The following PKD1 variants were observed in gnomAD, a reference collection of about 807,000 sequenced individuals.
PKD1 encodes the protein polycystin-1.
A neutral mutation model predicts 361.7 loss-of-function variants in PKD1; 81 were observed. The ratio of observed to expected loss-of-function variants is 0.22; its 90% CI spans 0.19 to 0.27. The LOEUF is 0.27. Among genes scored for constraint, PKD1 ranks in the 10% least tolerant of loss-of-function variants. PKD1 has a pLI of 1.00. For synonymous variants in PKD1, 3,615 were observed against 2,818.3 expected (o/e 1.28, Z -8.95); for missense variants, 6,399 against 6,118.3 (o/e 1.05, Z -1.53).
intron 22 of PKD1, 149 bp downstream of exon 22, chr16:2,104,349 T>C: frequency 2.9e-5 from 13 of 442,808 alleles, no homozygotes; most frequent in Admixed American, 6.5e-5. Context: ...AGAATGGGAA[T>C]TGGGGGAGGG....
Position 2,108,867 on chromosome 16 carries a change from C to A in PKD1, c.6300G>T (p.Ser2100=), listed in dbSNP as rs142672740. ...VAYHWDFGDG[S]PGQDTDEPRA... ...TGGGCTCATCTGTGTCCTGCCCTGG[C>A]GACCCATCCCCAAAGTCCCAGTGGT... is the stretch of plus-strand genomic sequence containing the variant. Residue 2100 remains serine, a synonymous_variant, in exon 15 of 46, where the codon TCG becomes TCT. Transcript: ENST00000262304. The A allele has an allele frequency of 1.0e-5, 16 of 1,576,522 alleles. No homozygotes were observed. In the African/African-American group the frequency reaches 1.4e-4, roughly 13 times the overall value.
At position 2,095,804 on chromosome 16, in the gene PKD1, C is replaced by T. The variant is rs139815281; in HGVS notation, c.10499+1344G>A. On this transcript the variant is annotated intron_variant, in intron 34 of 45. Transcript: ENST00000262304. ...TGTGTGGATGCGGAGTCTGAGCTGC[C>T]GTCAGAAATCCCCGCGGAAGCACTG... 5.0e-3 allele frequency among the ~76,000 whole-genome samples: 769 copies of T among 152,318 alleles called. 4 individuals carry two copies. Among genetic ancestry groups the T allele is most frequent in the African/African-American group, 0.017 (709 of 41,566 alleles).
chr16:2,091,354 G>A (rs1287023262), intron 42 of PKD1, 69 bp downstream of exon 42: 15 of 880,424 alleles, frequency 1.7e-5, no homozygotes, highest in East Asian at 6.9e-5. Context: ...ACGCTGCCGG[G>A]GCGGGGCCCC....
rs1042657516 is a variant in PKD1, at chr16:2,119,956, G to C, written c.216-578C>G. 3.0e-4 allele frequency: 188 copies of C among 622,664 alleles called. 1 individual carries two copies. The African/African-American group carries it at 3.2e-3, about 10-fold the overall frequency. 38.6% of individuals were successfully genotyped at this position (622,664 alleles called of 1,614,324 possible). On this transcript the variant is annotated intron_variant, in intron 1 of 45. Coordinates refer to ENST00000262304, the MANE Select transcript of PKD1 (RefSeq NM_001009944.3). The stretch of plus-strand genomic sequence containing the variant: ...CGGCCAGGCACTGGGGCACACGCCG[G>C]TAACACAGCACCGTGGGAGCTGAGA...
intron 1 of PKD1, among the ~76,000 whole-genome samples, chr16:2,131,659 A>G (rs939559132): frequency 2.0e-5 from 3 of 150,986 alleles, no homozygotes; most frequent in Admixed American, 6.6e-5. Flanking sequence ...TCTCTACTAA[A>G]AATATTTTTA....
intron 1 of PKD1, 51 bp from the exon 2 acceptor site, chr16:2,119,429 G>A (rs1220235623): frequency 2.5e-6 from 3 of 1,210,954 alleles, no homozygotes; most frequent in South Asian, 2.6e-5. Context: ...GTAGGCCAGA[G>A]GCCATCCCTG....
chr16:2,105,586 C>T (rs1000385132), intron 20 of PKD1, 112 bp from the exon 21 acceptor site: 181 of 1,590,188 alleles, frequency 1.1e-4, no homozygotes, highest in South Asian at 1.3e-4. Context: ...CTGTGTGATG[C>T]GGGCACTGAC....
chr16:2,100,211 T>C lies in PKD1; in HGVS notation c.9667A>G (p.Thr3223Ala). 2 of 1,609,804 alleles carry C rather than the reference T, an allele frequency of 1.2e-6. No individual in the cohort carries two copies. The highest frequency in any genetic ancestry group is 1.7e-6 in the Non-Finnish European group (2 of 1,179,114). The change falls in exon 28 of 46, where the codon ACG (threonine) becomes GCG (alanine). Residue 3223 changes from threonine to alanine, a missense_variant. By Grantham distance (58) the Thr-to-Ala change is moderately conservative. Transcript: ENST00000262304. The surrounding 1 kb of genome is among the most constrained non-coding windows in gnomAD (Gnocchi z 4.4). ...TCCACCAGGCCCCCGTTGGCCTCCG[T>C]CTCCACCGAAAGCCAGTCATTGACC... ...FLVNDWLSVETEANGGLVEKE... is the reference protein window; with the variant it reads ...FLVNDWLSVEAEANGGLVEKE...
At position 2,100,348 on chromosome 16, in the gene PKD1, C is replaced by T. The variant is rs1351317432; in HGVS notation, c.9569-39G>A. 8 of 1,610,644 alleles carry T rather than the reference C, an allele frequency of 5.0e-6. No homozygotes were observed. In the Admixed American group the frequency reaches 5.0e-5, roughly 10 times the overall value. On this transcript the variant is annotated intron_variant, in intron 27 of 45. Transcript: ENST00000262304. This position sits in a 1 kb window ranked among gnomAD's most constrained non-coding sequence, Gnocchi z 4.4. ...GGAGGGAGGTCAGGCTCGCAGGGCG[C>T]CCCAATGCGGGGGCAGAGGGGCAGA...
chr16:2,090,698 T>G lies in PKD1; in HGVS notation c.12114A>C (p.Val4038=). 6.2e-7 allele frequency: 1 copy of G among 1,612,418 alleles called. No individual in the cohort carries two copies. Among genetic ancestry groups the G allele is most frequent in the Non-Finnish European group, 8.5e-7 (1 of 1,179,946 alleles). The change falls in exon 44 of 46, where the codon GTA becomes GTC. Residue 4038 remains valine, a synonymous_variant. Coordinates refer to ENST00000262304, the MANE Select transcript of PKD1 (RefSeq NM_001009944.3). The part of the protein sequence containing the change: ...GVTLGLVVLG[V]AYAQLAILLV... ...CCAGGATGGCCAGCTGGGCGTAGGCTACCCCGAGCACCACCAGGCCCAAGG... is the reference window on the plus strand; with the variant it reads ...CCAGGATGGCCAGCTGGGCGTAGGCGACCCCGAGCACCACCAGGCCCAAGG...
intron 30 of PKD1, chr16:2,099,364 G>C: frequency 4.2e-6 from 2 of 479,458 alleles, no homozygotes; most frequent in Middle Eastern, 6.2e-4. Flanking sequence ...GCACAGCCGC[G>C]TGCTTGCTTC....
Position 2,097,170 on chromosome 16 carries a change from C to T in PKD1, c.10477G>A (p.Glu3493Lys), listed in dbSNP as rs758257102. Residue 3493 changes from glutamate (E) to lysine (K), a missense_variant, in exon 34 of 46, where the codon GAA (glutamate) becomes AAA (lysine). By Grantham distance (56) the Glu-to-Lys change is moderately conservative (BLOSUM62 1). Coordinates refer to ENST00000262304, the MANE Select transcript of PKD1 (RefSeq NM_001009944.3). Reference sequence around the variant, plus strand: ...CACAGGCTGCTGAGCAGGTCCGTTTCCATGTGGGTGTCTTGGGTAGGGGCT... The same window carrying T: ...CACAGGCTGCTGAGCAGGTCCGTTTTCATGTGGGTGTCTTGGGTAGGGGCT... ...SPAPTQDTHMETDLLSSLSST... is the reference protein window; with the variant it reads ...SPAPTQDTHMKTDLLSSLSST... 5 of 1,552,910 alleles carry T rather than the reference C, an allele frequency of 3.2e-6. No individual in the cohort carries two copies. The highest frequency in any genetic ancestry group is 3.5e-6 in the Non-Finnish European group (4 of 1,148,126).
intron 38 of PKD1, 160 bp downstream of exon 38, chr16:2,092,794 C>A: frequency 1.1e-6 from 1 of 923,912 alleles, no homozygotes; most frequent in South Asian, 1.3e-5. Context: ...AAGACACGGA[C>A]CTGTGTCCCT....
In PKD1 at chr16:2,106,334, A is replaced by C; in HGVS notation, c.7490-30T>G. 1 of 1,601,914 alleles carries C rather than the reference A, an allele frequency of 6.2e-7. No homozygotes were observed. Among genetic ancestry groups the C allele is most frequent in the Non-Finnish European group, 8.5e-7 (1 of 1,173,020 alleles). The stretch of plus-strand genomic sequence containing the variant: ...GGGACGGTCCCCACGGCATCACGGG[A>C]GGGCTCCGTGACGTCACAGAGTCGG... On this transcript the variant is annotated intron_variant, in intron 18 of 45. Transcript: ENST00000262304. The surrounding 1 kb of genome is among the most constrained non-coding windows in gnomAD (Gnocchi z 6.5).
At position 2,110,379 on chromosome 16, in the gene PKD1, G is replaced by A. The variant is rs200233435; in HGVS notation, c.4788C>T (p.Thr1596=). ...DRCTPIPGGP[T]ISYTFRSVGT... ...CCACGGAGCGGAAGGTGTAAGAGAT[G>A]GTAGGACCCCCAGGGATGGGCGTGC... is the stretch of plus-strand genomic sequence containing the variant. The change falls in exon 15 of 46, where the codon ACC becomes ACT. Residue 1596 remains threonine (T), a synonymous_variant. Transcript: ENST00000262304. 1.7e-4 allele frequency: 280 copies of A among 1,612,476 alleles called. No homozygotes were observed. The highest frequency in any genetic ancestry group is 2.1e-4 in the Non-Finnish European group (251 of 1,179,848).
At chr16:2,135,195 G>C (rs2092936226) in intron 1 of PKD1, 1 of 979,960 alleles carries the variant, frequency 1.0e-6, no homozygotes, top group Non-Finnish European at 1.2e-6. Flanking sequence ...GCGACTGTTT[G>C]TCCTCCCAGC....
Position 2,108,976 on chromosome 16 carries a change from A to C in PKD1, c.6191T>G (p.Val2064Gly). 1 of 1,610,034 alleles carries C rather than the reference A, an allele frequency of 6.2e-7. No homozygotes were observed. Among genetic ancestry groups the C allele is most frequent in the Non-Finnish European group, 8.5e-7 (1 of 1,179,322 alleles). Residue 2064 changes from valine (V) to glycine (G), a missense_variant, in exon 15 of 46, where the codon GTG becomes GGG. Coordinates refer to ENST00000262304, the MANE Select transcript of PKD1 (RefSeq NM_001009944.3). ...GAAGCAGGGGCCGCTCTGCAGGGCC[A>C]CATACTGGACGGCGTCCTGAACCTC... is the stretch of plus-strand genomic sequence containing the variant. ...VLEVQDAVQY[V>G]ALQSGPCFTN...
Position 2,106,408 on chromosome 16 carries a change from G to C in PKD1, c.7479C>G (p.Phe2493Leu), listed in dbSNP as rs752349510. Reference sequence around the variant, plus strand: ...CAGGCCTGCACTCACCCGTGCATTCGAAGTGCACCTTGGTGGTGAGGGCGT... The same window carrying C: ...CAGGCCTGCACTCACCCGTGCATTCCAAGTGCACCTTGGTGGTGAGGGCGT... ...AVHALTTKVH[F>L]ECTGWHDAED... The change falls in exon 18 of 46, where the codon TTC becomes TTG. Residue 2493 changes from phenylalanine to leucine, a missense_variant. Phe to Leu is a conservative substitution (Grantham distance 22). Coordinates refer to ENST00000262304, the MANE Select transcript of PKD1 (RefSeq NM_001009944.3). This position sits in a 1 kb window ranked among gnomAD's most constrained non-coding sequence, Gnocchi z 6.5. 53 of 1,589,684 alleles carry C rather than the reference G, an allele frequency of 3.3e-5. No homozygotes were observed. The highest frequency in any genetic ancestry group is 4.4e-5 in the Non-Finnish European group (51 of 1,170,568).
At chr16:2,120,988 G>C (rs2092711283) in intron 1 of PKD1, among the ~76,000 whole-genome samples, 1 of 151,730 alleles carries the variant, frequency 6.6e-6, no homozygotes, top group Middle Eastern at 3.4e-3. Flanking sequence ...CTGCAATCCA[G>C]CCTGGTGACA....
Sources: gnomAD v4.1 joint callset for allele counts (sites outside exome capture counted in the v4.1 genomes callset) on GRCh38, gnomAD v4.1.1 for gene constraint, Gnocchi (gnomAD v3.1) non-coding constraint, MANE v1.5 for transcripts, NCBI Gene and HGNC (gene_info 2026-07-23, HGNC 2026-07-21) for gene names.